Variants in MGAT4C observed in about 807,000 individuals in gnomAD.
MGAT4C encodes alpha-1,3-mannosyl-glycoprotein 4-beta-N-acetylglucosaminyltransferase C.
MGAT4C carries 19 observed loss-of-function variants against 40.1 expected under a neutral mutation model. That is an observed-to-expected ratio of 0.47 (90% CI 0.33 to 0.70). The LOEUF is 0.70. Among genes scored for constraint, MGAT4C ranks in the 30% least tolerant of loss-of-function variants. The pLI is 0.02. For missense variants in MGAT4C, 491 were observed against 563.2 expected (o/e 0.87, Z 1.30); for synonymous variants, 181 against 187.1 (o/e 0.97, Z 0.27).
At chr12:86,364,954 C>T (rs1348279567) in intron 3 of MGAT4C, among the ~76,000 whole-genome samples, 1 of 152,138 alleles carries the variant, frequency 6.6e-6, no homozygotes, top group Non-Finnish European at 1.5e-5. Context: ...TCATTGATAA[C>T]ATCTTATCAG....
chr12:86,032,211 G>C (rs1009660466), intron 2 of MGAT4C, among the ~76,000 whole-genome samples: 1 of 151,840 alleles, frequency 6.6e-6, no homozygotes, highest in African/African-American at 2.4e-5. Flanking sequence ...TTTGAGAACA[G>C]TGCCACAATG....
intron 2 of MGAT4C, among the ~76,000 whole-genome samples, chr12:86,616,375 G>C (rs1399121846): frequency 6.6e-6 from 1 of 152,018 alleles, no homozygotes; most frequent in Non-Finnish European, 1.5e-5. Context: ...TCAATCTTTT[G>C]TTAAAAGCAA....
Position 86,485,758 on chromosome 12 carries a change from C to T in MGAT4C, c.-228-50493G>A, listed in dbSNP as rs117958527. On this transcript the variant is annotated intron_variant, in intron 2 of 7. Coordinates refer to the MGAT4C transcript ENST00000548651. ...GTGAGGTACTATATAAGACAACAAC[C>T]TCCAAGACACATAATCATCATATTC... 8.2e-4 allele frequency among the ~76,000 whole-genome samples: 125 copies of T among 152,082 alleles called. 5 individuals are homozygous for T. The East Asian group carries it at 0.023, about 28-fold the overall frequency.
chr12:86,543,781 C>T (rs1485556312), intron 2 of MGAT4C, among the ~76,000 whole-genome samples: 1 of 150,972 alleles, frequency 6.6e-6, no homozygotes, highest in Non-Finnish European at 1.5e-5. Context: ...AACAATGAAT[C>T]TTTATTATTT....
At chr12:86,813,481 C>A (rs1382489277) in intron 1 of MGAT4C, among the ~76,000 whole-genome samples, 5 of 143,384 alleles carry the variant, frequency 3.5e-5, no homozygotes, top group Admixed American at 3.4e-4. Flanking sequence ...ATAACATATG[C>A]TTTTCAAACA....
intron 2 of MGAT4C, among the ~76,000 whole-genome samples, chr12:86,558,400 C>T (rs183364829): frequency 1.3e-5 from 2 of 152,092 alleles, no homozygotes; most frequent in Admixed American, 1.3e-4. Flanking sequence ...CCCCAAAGCA[C>T]ATTATAGTCA....
At chr12:86,825,118 G>C (rs939976832) in intron 1 of MGAT4C, among the ~76,000 whole-genome samples, 5 of 151,006 alleles carry the variant, frequency 3.3e-5, no homozygotes, top group Non-Finnish European at 7.4e-5. Flanking sequence ...GTGAGGTTTC[G>C]GGTGAAGAAA....
At chr12:86,580,578 T>C (rs1420804446) in intron 2 of MGAT4C, among the ~76,000 whole-genome samples, 1 of 151,518 alleles carries the variant, frequency 6.6e-6, no homozygotes, top group Non-Finnish European at 1.5e-5. Context: ...TAAAATTATG[T>C]CCGATAGTCA....
chr12:86,838,090 T>C (rs1953076625), intron 1 of MGAT4C, among the ~76,000 whole-genome samples: 1 of 152,172 alleles, frequency 6.6e-6, no homozygotes, highest in Admixed American at 6.5e-5. Context: ...AGTAAAATCC[T>C]TTCAAACTCA....
At chr12:86,337,313 G>A (rs1433634344) in intron 3 of MGAT4C, among the ~76,000 whole-genome samples, 1 of 152,062 alleles carries the variant, frequency 6.6e-6, no homozygotes, top group Non-Finnish European at 1.5e-5. Flanking sequence ...AAGTTGGGAA[G>A]TGGCTGGGCA....
chr12:86,353,028 T>TAAA (rs939385210), intron 3 of MGAT4C, among the ~76,000 whole-genome samples: 6 of 139,082 alleles, frequency 4.3e-5, no homozygotes, highest in African/African-American at 1.6e-4. Flanking sequence ...AATAATAAAA[T>TAAA]AAAAAAATAA....
At chr12:86,670,064 C>T (rs1037994575) in intron 2 of MGAT4C, among the ~76,000 whole-genome samples, 5 of 149,008 alleles carry the variant, frequency 3.4e-5, no homozygotes, top group Non-Finnish European at 7.4e-5. Context: ...GAAAAAAAAA[C>T]ACCTGAAAGA....
At chr12:86,711,315 G>A (rs995219649) in intron 2 of MGAT4C, among the ~76,000 whole-genome samples, 9 of 152,174 alleles carry the variant, frequency 5.9e-5, no homozygotes, top group Admixed American at 4.6e-4. Context: ...TGTACCTGGC[G>A]CTCCTGAGAT....
chr12:86,158,788 G>A lies in MGAT4C; in HGVS notation c.-57+97451C>T, dbSNP rs574863655. Among the ~76,000 whole-genome samples the A allele has an allele frequency of 3.9e-5, 6 of 152,228 alleles. No homozygotes were observed. In the South Asian group the frequency reaches 1.2e-3, roughly 32 times the overall value. On this transcript the variant is annotated intron_variant, in intron 1 of 4. Coordinates refer to ENST00000611864, the MANE Select transcript of MGAT4C (RefSeq NM_001351288.2). ...AGCTATATTCCTAGATATCTGATCT[G>A]CTTTGTGGCTATTGTAAGTGGGATT...
chr12:86,544,785 C>A (rs1043302021), intron 2 of MGAT4C, among the ~76,000 whole-genome samples: 1 of 151,966 alleles, frequency 6.6e-6, no homozygotes, highest in Admixed American at 6.6e-5. Flanking sequence ...ATGCTTATTT[C>A]CTGGAACTTA....
intron 3 of MGAT4C, among the ~76,000 whole-genome samples, chr12:86,357,995 C>T (rs1246566405): frequency 6.6e-6 from 1 of 152,062 alleles, no homozygotes; most frequent in Non-Finnish European, 1.5e-5. Context: ...AGCGATACTC[C>T]TCGAGAAGAA....
chr12:86,424,618 G>A (rs1191429481), intron 3 of MGAT4C, among the ~76,000 whole-genome samples: 1 of 152,086 alleles, frequency 6.6e-6, no homozygotes, highest in Non-Finnish European at 1.5e-5. Flanking sequence ...AAGTGGGGAT[G>A]GCTGGGCAGC....
At chr12:86,101,534 T>A (rs189377667) in intron 1 of MGAT4C, among the ~76,000 whole-genome samples, 2 of 151,936 alleles carry the variant, frequency 1.3e-5, no homozygotes, top group East Asian at 3.9e-4. Flanking sequence ...AAAATTATCT[T>A]TTAAAGACAT....
At chr12:86,755,885 C>T (rs1951296818) in intron 1 of MGAT4C, among the ~76,000 whole-genome samples, 1 of 151,842 alleles carries the variant, frequency 6.6e-6, no homozygotes, top group Non-Finnish European at 1.5e-5. Context: ...TGGACTCAAG[C>T]AATTGGCCAG....
Sources: gnomAD v4.1 joint callset for allele counts (sites outside exome capture counted in the v4.1 genomes callset) on GRCh38, gnomAD v4.1.1 for gene constraint, MANE v1.5 for transcripts, NCBI Gene and HGNC (gene_info 2026-07-23, HGNC 2026-07-21) for gene names.